Variants in NTM observed in about 807,000 individuals in gnomAD.
NTM encodes the protein neurotrimin, also known as IgLON family member 2.
In NTM, 13 loss-of-function variants were observed where a neutral mutation model predicts 42.1. The observed-to-expected ratio is 0.31, with a 90% CI of 0.20 to 0.49. The LOEUF is 0.49. Among genes scored for constraint, NTM ranks in the 20% least tolerant of loss-of-function variants. The probability of loss-of-function intolerance (pLI) is 0.99; values close to 1 mark genes in which losing one functional copy is unlikely to be tolerated. For synonymous variants in NTM, 187 were observed against 179.2 expected (o/e 1.04, Z -0.35); for missense variants, 373 against 452.8 (o/e 0.82, Z 1.60).
chr11:132,325,878 G>A (rs2095668342), intron 7 of NTM, among the ~76,000 whole-genome samples: 1 of 152,168 alleles, frequency 6.6e-6, no homozygotes, highest in Admixed American at 6.5e-5. Flanking sequence ...GGACATGGAT[G>A]AAACTGGAAA....
At chr11:132,114,305 C>A (rs1358271265) in intron 2 of NTM, among the ~76,000 whole-genome samples, 1 of 152,156 alleles carries the variant, frequency 6.6e-6, no homozygotes, top group Non-Finnish European at 1.5e-5. Flanking sequence ...CACTTTTCTG[C>A]CCCTATGAAA....
intron 2 of NTM, among the ~76,000 whole-genome samples, chr11:132,144,897 G>T (rs1487192561): frequency 1.3e-5 from 2 of 152,206 alleles, no homozygotes; most frequent in African/African-American, 4.8e-5. Flanking sequence ...CTATCCCTGT[G>T]CACCTAAGTG....
chr11:132,170,252 A>G (rs1270501095), intron 3 of NTM, among the ~76,000 whole-genome samples: 1 of 152,180 alleles, frequency 6.6e-6, no homozygotes, highest in Non-Finnish European at 1.5e-5. Context: ...AGAATAATAC[A>G]TGTTCTCTTT....
intron 1 of NTM, among the ~76,000 whole-genome samples, chr11:131,677,886 C>A (rs2071709396): frequency 1.3e-5 from 2 of 152,212 alleles, no homozygotes; most frequent in South Asian, 4.1e-4. Context: ...CCTTGTGACA[C>A]ACAGCTGGTC....
intron 1 of NTM, among the ~76,000 whole-genome samples, chr11:131,555,572 T>C (rs935210540): frequency 6.6e-6 from 1 of 152,124 alleles, no homozygotes; most frequent in Non-Finnish European, 1.5e-5. Flanking sequence ...GACAGGTAGA[T>C]TTGGAGTAAG....
intron 1 of NTM, among the ~76,000 whole-genome samples, chr11:131,483,773 T>C (rs1256256610): frequency 1.3e-5 from 2 of 152,220 alleles, no homozygotes; most frequent in Non-Finnish European, 2.9e-5. Flanking sequence ...CCTAGGCTCT[T>C]TCTTTGGACC....
chr11:132,222,685 C>T (rs1388459347), intron 4 of NTM, among the ~76,000 whole-genome samples: 1 of 152,138 alleles, frequency 6.6e-6, no homozygotes, highest in African/African-American at 2.4e-5. Flanking sequence ...AGATGTGGCC[C>T]CTTCCCTGGG....
chr11:132,245,909 G>A (rs2091054156), intron 4 of NTM, among the ~76,000 whole-genome samples: 1 of 152,168 alleles, frequency 6.6e-6, no homozygotes, highest in African/African-American at 2.4e-5. Context: ...AGTAGGAGTA[G>A]AAAGCCCGCA....
intron 3 of NTM, among the ~76,000 whole-genome samples, chr11:132,209,859 C>T (rs2082563243): frequency 6.6e-6 from 1 of 152,208 alleles, no homozygotes; most frequent in African/African-American, 2.4e-5. Context: ...ATAAGTACAG[C>T]ACACGCTTAT....
chr11:132,107,901 C>T (rs549208957), intron 2 of NTM, among the ~76,000 whole-genome samples: 1 of 152,150 alleles, frequency 6.6e-6, no homozygotes, highest in African/African-American at 2.4e-5. Flanking sequence ...ATGTACACAC[C>T]TGGAATCTCT....
chr11:132,211,288 C>T (rs1249946795), intron 3 of NTM, among the ~76,000 whole-genome samples: 1 of 152,172 alleles, frequency 6.6e-6, no homozygotes, highest in Non-Finnish European at 1.5e-5. Flanking sequence ...TGCCTGCAGT[C>T]CCAGCTACTT....
chr11:132,320,484 C>A (rs1008746607), intron 7 of NTM, among the ~76,000 whole-genome samples: 9 of 152,188 alleles, frequency 5.9e-5, no homozygotes, highest in African/African-American at 1.7e-4. Flanking sequence ...TAAAAAACGG[C>A]GCACCATGAG....
intron 1 of NTM, among the ~76,000 whole-genome samples, chr11:131,439,939 T>TG (rs1949473272): frequency 9.5e-6 from 1 of 104,728 alleles, no homozygotes; most frequent in Non-Finnish European, 1.9e-5. Context: ...TCGGCCATCT[T>TG]AGGCTTTTTT....
chr11:132,121,386 GA>G (rs997350805), intron 2 of NTM, among the ~76,000 whole-genome samples: 2 of 151,682 alleles, frequency 1.3e-5, no homozygotes, highest in Admixed American at 6.6e-5. Context: ...AGAAAATACT[GA>G]AAAAAAATAT....
chr11:131,733,457 TC>T, intron 1 of NTM, among the ~76,000 whole-genome samples: 4 of 130,490 alleles, frequency 3.1e-5, no homozygotes, highest in Non-Finnish European at 6.3e-5. Flanking sequence ...CTTCCTTCCT[TC>T]CTTCTTTCCT....
At position 132,107,339 on chromosome 11, in the gene NTM, C is replaced by CTTTTT. The variant is rs780844735; in HGVS notation, c.168-38918_168-38914dup. Among the ~76,000 whole-genome samples, 52 of 88,860 alleles carry CTTTTT rather than the reference C, an allele frequency of 5.9e-4. 5 individuals carry two copies. The highest frequency in any genetic ancestry group is 2.1e-3 in the African/African-American group (42 of 19,992). 58.3% of individuals were successfully genotyped at this position (88,860 alleles called of 152,430 possible). The stretch of plus-strand genomic sequence containing the variant: ...TGGTAGTTCAAGTAAAAGATTTATC[C>CTTTTT]TTTTTTTTTTTTTTTTTTTTTTTTT... On this transcript the variant is annotated intron_variant, in intron 2 of 8. Transcript: ENST00000683400.
At chr11:131,436,846 C>T (rs11222615) in intron 1 of NTM, among the ~76,000 whole-genome samples, 64,529 of 151,762 alleles carry the variant, frequency 0.43, 14,247 homozygotes, top group Non-Finnish European at 0.49. Context: ...TGTTTGCTCT[C>T]GCTTCTCTAG....
chr11:132,193,157 A>G (rs956331662), intron 3 of NTM, among the ~76,000 whole-genome samples: 15 of 152,156 alleles, frequency 9.9e-5, no homozygotes, highest in African/African-American at 3.6e-4. Flanking sequence ...AATTTAATTG[A>G]CATCTACAGA....
chr11:131,758,503 T>C (rs2083640423), intron 1 of NTM, among the ~76,000 whole-genome samples: 1 of 152,222 alleles, frequency 6.6e-6, no homozygotes, highest in East Asian at 1.9e-4. Flanking sequence ...CTTACCAGTT[T>C]GGTATACTTA....
Sources: allele counts gnomAD v4.1 joint callset (sites outside exome capture counted in the v4.1 genomes callset), GRCh38; gene constraint gnomAD v4.1.1; transcripts MANE v1.5; gene names NCBI Gene and HGNC (gene_info 2026-07-23, HGNC 2026-07-21).